COL24A1: variants seen among roughly 807,000 people sequenced by gnomAD.
The protein encoded by COL24A1 is collagen alpha-1(XXIV) chain.
A neutral mutation model predicts 253.9 loss-of-function variants in COL24A1; 224 were observed. The observed-to-expected ratio is 0.88, with a 90% CI of 0.79 to 0.99. The LOEUF (loss-of-function observed/expected upper bound fraction) is 0.99. Ranked by LOEUF, COL24A1 falls within the 50% of genes least tolerant of loss-of-function variation. The probability of loss-of-function intolerance (pLI) is 0.00; values close to 1 mark genes in which losing one functional copy is unlikely to be tolerated. For missense variants in COL24A1, 2,131 were observed against 2,068.5 expected, an observed-to-expected ratio of 1.03 and a Z score of -0.59; for synonymous variants, 685 against 673.7, an observed-to-expected ratio of 1.02 and a Z score of -0.26.
At position 85,880,602 on chromosome 1, in the gene COL24A1, C is replaced by T. The variant is rs1037578358; in HGVS notation, c.2977-3427G>A. Reference sequence around the variant, plus strand: ...AGGAGGAACATGTTTTCCTTATTCCCTTGTTCTTAAAAGAAAAGTATCTAG... The same window carrying T: ...AGGAGGAACATGTTTTCCTTATTCCTTTGTTCTTAAAAGAAAAGTATCTAG... On this transcript the variant is annotated intron_variant, in intron 32 of 59. Coordinates refer to ENST00000370571, the MANE Select transcript of COL24A1 (RefSeq NM_152890.7). 2.0e-5 allele frequency among the ~76,000 whole-genome samples: 3 copies of T among 152,174 alleles called. 1 individual carries two copies. The highest frequency in any genetic ancestry group is 2.0e-4 in the Admixed American group (3 of 15,284).
At chr1:86,110,934 C>T (rs1368945490) in intron 5 of COL24A1, among the ~76,000 whole-genome samples, 1 of 152,182 alleles carries the variant, frequency 6.6e-6, no homozygotes, top group Non-Finnish European at 1.5e-5. Flanking sequence ...GGAGTGCCGG[C>T]AAGTGGAGTG....
chr1:86,129,183 T>TAG (rs768747982), intron 2 of COL24A1, among the ~76,000 whole-genome samples: 2 of 151,952 alleles, frequency 1.3e-5, no homozygotes, highest in Non-Finnish European at 3.0e-5. Context: ...TATATTTTTC[T>TAG]ATGAAATAAT....
At chr1:85,902,659 G>T (rs1316282673) in intron 28 of COL24A1, among the ~76,000 whole-genome samples, 1 of 152,148 alleles carries the variant, frequency 6.6e-6, no homozygotes, top group Non-Finnish European at 1.5e-5. Context: ...GGGGCTGGAG[G>T]TGATCTCTGG....
chr1:85,745,652 A>G, intron 55 of COL24A1, 146 bp from the exon 56 acceptor site: 2 of 495,152 alleles, frequency 4.0e-6, no homozygotes, highest in Admixed American at 8.4e-5. Flanking sequence ...GGTTAGACAG[A>G]TTTTGCAAAT....
At chr1:85,958,117 G>A (rs1690653776) in intron 24 of COL24A1, among the ~76,000 whole-genome samples, 1 of 151,738 alleles carries the variant, frequency 6.6e-6, no homozygotes, top group African/African-American at 2.4e-5. Context: ...AATCTATAAG[G>A]TAGTTATTTT....
At chr1:85,739,243 A>T (rs1471827064) in intron 57 of COL24A1, among the ~76,000 whole-genome samples, 2 of 152,168 alleles carry the variant, frequency 1.3e-5, no homozygotes, top group African/African-American at 4.8e-5. Flanking sequence ...CTACTATATG[A>T]GCTAATAATA....
intron 19 of COL24A1, among the ~76,000 whole-genome samples, chr1:85,996,720 C>T (rs180884426): frequency 1.7e-4 from 26 of 152,142 alleles, no homozygotes; most frequent in Non-Finnish European, 2.8e-4. Flanking sequence ...ATGTATCAGG[C>T]ACTGTTCTTG....
chr1:85,898,179 T>C (rs1331550663), intron 28 of COL24A1, among the ~76,000 whole-genome samples: 3 of 152,236 alleles, frequency 2.0e-5, no homozygotes, highest in Non-Finnish European at 4.4e-5. Flanking sequence ...AAACTGATGC[T>C]AAAGATTTCT....
At chr1:85,765,301 T>G (rs1384349968) in intron 53 of COL24A1, among the ~76,000 whole-genome samples, 1 of 152,040 alleles carries the variant, frequency 6.6e-6, no homozygotes, top group Non-Finnish European at 1.5e-5. Context: ...AAATAGTATA[T>G]TATAAATATG....
intron 47 of COL24A1, among the ~76,000 whole-genome samples, chr1:85,803,651 C>T (rs1671671452): frequency 6.6e-6 from 1 of 151,632 alleles, no homozygotes; most frequent in Admixed American, 6.6e-5. Context: ...AATAATACTG[C>T]TTTAAAATTT....
chr1:85,825,252 C>G (rs1267884573), intron 43 of COL24A1, among the ~76,000 whole-genome samples: 1 of 152,006 alleles, frequency 6.6e-6, no homozygotes, highest in East Asian at 1.9e-4. Flanking sequence ...AGGACATGAA[C>G]TCATCATTTT....
At chr1:85,945,757 ACTAT>A (rs1419935126) in intron 24 of COL24A1, among the ~76,000 whole-genome samples, 2 of 151,628 alleles carry the variant, frequency 1.3e-5, no homozygotes, top group South Asian at 2.1e-4. Context: ...AACTTAAGTG[ACTAT>A]CTACATCTTT....
intron 24 of COL24A1, among the ~76,000 whole-genome samples, chr1:85,917,129 A>C (rs1685971587): frequency 6.6e-6 from 1 of 152,236 alleles, no homozygotes; most frequent in African/African-American, 2.4e-5. Context: ...ATGTATCAAC[A>C]TGGATAAACA....
chr1:86,124,913 A>C lies in COL24A1; in HGVS notation c.1423T>G (p.Tyr475Asp). Residue 475 changes from tyrosine (Y) to aspartate (D), a missense_variant, in exon 3 of 60, where the codon TAT becomes GAT. Transcript: ENST00000370571. ...TCAAGCATTGTATTTAGATCCTCATAATAATAATAATCATAAAGCTCAGTT... is the reference window on the plus strand; with the variant it reads ...TCAAGCATTGTATTTAGATCCTCATCATAATAATAATCATAAAGCTCAGTT... ...YETELYDYYY[Y>D]EDLNTMLEME... is the part of the protein sequence containing the mutation. 1 of 1,607,988 alleles carries C rather than the reference A, an allele frequency of 6.2e-7. No individual in the cohort carries two copies. Among genetic ancestry groups the C allele is most frequent in the African/African-American group, 1.3e-5 (1 of 74,720 alleles).
chr1:85,969,504 C>G (rs1691913599), intron 22 of COL24A1, among the ~76,000 whole-genome samples: 1 of 143,650 alleles, frequency 7.0e-6, no homozygotes, highest in Admixed American at 7.3e-5. Context: ...ACTCGGGAGG[C>G]TGAGGCAGGA....
intron 35 of COL24A1, among the ~76,000 whole-genome samples, chr1:85,873,458 A>G (rs532396063): frequency 5.8e-4 from 89 of 152,344 alleles, no homozygotes; most frequent in African/African-American, 1.9e-3. Context: ...TCAATGATAG[A>G]CTGGATTAAG....
intron 2 of COL24A1, among the ~76,000 whole-genome samples, chr1:86,134,636 A>C (rs146647653): frequency 0.015 from 2,251 of 149,416 alleles, 32 homozygotes; most frequent in Middle Eastern, 0.044. Flanking sequence ...CAGGTTGTTC[A>C]GTTTCCATGT....
intron 1 of COL24A1, chr1:86,155,326 C>T (rs965196938): frequency 6.5e-6 from 1 of 152,718 alleles, no homozygotes; most frequent in African/African-American, 2.4e-5. Context: ...TTTCTCCGCA[C>T]CCTGCCTCCG....
intron 1 of COL24A1, among the ~76,000 whole-genome samples, chr1:86,148,860 T>C (rs1652320572): frequency 6.6e-6 from 1 of 152,168 alleles, no homozygotes; most frequent in Non-Finnish European, 1.5e-5. Flanking sequence ...TTTGGATATA[T>C]ACCCAGTAAT....
Sources: gnomAD v4.1 joint callset for allele counts (sites outside exome capture counted in the v4.1 genomes callset) on GRCh38, gnomAD v4.1.1 for gene constraint, MANE v1.5 for transcripts, NCBI Gene and HGNC (gene_info 2026-07-23, HGNC 2026-07-21) for gene names.